Variants in KCNE1 observed in about 807,000 individuals in gnomAD.
The protein encoded by KCNE1 is potassium voltage-gated channel subfamily E regulatory subunit 1.
A neutral mutation model predicts 2.9 loss-of-function variants in KCNE1; 1 was observed. That is an observed-to-expected ratio of 0.34 (90% CI 0.12 to 1.62). KCNE1 has a LOEUF of 1.62. Among genes scored for constraint, KCNE1 ranks in the 40% most tolerant of loss-of-function variants. The pLI is 0.36. For synonymous variants in KCNE1, 23 were observed against 65.4 expected, an observed-to-expected ratio of 0.35 and a Z score of 3.13; for missense variants, 45 against 150.5, an observed-to-expected ratio of 0.30 and a Z score of 3.67.
intron 2 of KCNE1, among the ~76,000 whole-genome samples, chr21:34,503,738 C>G (rs1303880187): frequency 2.6e-5 from 4 of 152,244 alleles, no homozygotes; most frequent in Non-Finnish European, 5.9e-5. Flanking sequence ...TAGCTGCCAT[C>G]AGCCATGGGT....
intron 3 of KCNE1, among the ~76,000 whole-genome samples, chr21:34,450,156 C>G (rs970090110): frequency 1.3e-5 from 1 of 77,906 alleles, no homozygotes; most frequent in Admixed American, 1.2e-4. Context: ...CCTTCTCCCC[C>G]AGAGATGGAC....
chr21:34,511,502 C>T (rs762142206), intron 1 of KCNE1, among the ~76,000 whole-genome samples, 187 bp from the exon 2 acceptor site: 5 of 146,032 alleles, frequency 3.4e-5, no homozygotes, highest in Non-Finnish European at 7.6e-5. Context: ...ATACCTTCCA[C>T]CATGTCATGG....
At chr21:34,502,977 T>C (rs1481290991) in intron 2 of KCNE1, among the ~76,000 whole-genome samples, 1 of 152,174 alleles carries the variant, frequency 6.6e-6, no homozygotes, top group African/African-American at 2.4e-5. Context: ...AGATGGGGAT[T>C]TTTCCCACAC....
At chr21:34,504,741 T>C (rs56088739) in intron 2 of KCNE1, among the ~76,000 whole-genome samples, 2,229 of 152,336 alleles carry the variant, frequency 0.015, 63 homozygotes, top group African/African-American at 0.05. Flanking sequence ...GTACTTATAC[T>C]TGATATACCA....
intron 2 of KCNE1, among the ~76,000 whole-genome samples, chr21:34,501,157 A>G (rs1359941474): frequency 6.6e-6 from 1 of 152,224 alleles, no homozygotes; most frequent in Non-Finnish European, 1.5e-5. Context: ...AATCAGCATA[A>G]AAGAGCTGAC....
chr21:34,497,779 T>C (rs1024290510), intron 2 of KCNE1, among the ~76,000 whole-genome samples: 1 of 152,244 alleles, frequency 6.6e-6, no homozygotes, highest in African/African-American at 2.4e-5. Flanking sequence ...TTCCACACTT[T>C]TAGATTTCTC....
intron 2 of KCNE1, among the ~76,000 whole-genome samples, chr21:34,499,873 A>C (rs1983060372): frequency 6.6e-6 from 1 of 152,136 alleles, no homozygotes; most frequent in African/African-American, 2.4e-5. Context: ...CTTAGAACAA[A>C]AGTTCATGCT....
chr21:34,508,644 G>T (rs114315790), intron 2 of KCNE1, among the ~76,000 whole-genome samples: 2,863 of 152,226 alleles, frequency 0.019, 93 homozygotes, highest in African/African-American at 0.066. Flanking sequence ...CGCCCAGACT[G>T]GGGTTTTTTA....
intron 2 of KCNE1, among the ~76,000 whole-genome samples, chr21:34,495,682 C>T (rs1982763648): frequency 1.3e-5 from 2 of 150,614 alleles, no homozygotes; most frequent in South Asian, 2.1e-4. Context: ...TTCATAGTAG[C>T]CTTGCATGAT....
chr21:34,497,097 G>C (rs1982857323), intron 2 of KCNE1, among the ~76,000 whole-genome samples: 1 of 152,156 alleles, frequency 6.6e-6, no homozygotes, highest in Non-Finnish European at 1.5e-5. Context: ...ATACTTGGTT[G>C]ATGGATTTTT....
intron 2 of KCNE1, among the ~76,000 whole-genome samples, chr21:34,507,974 T>C (rs868632588): frequency 6.6e-6 from 1 of 152,198 alleles, no homozygotes; most frequent in Non-Finnish European, 1.5e-5. Context: ...AGAACATTTA[T>C]GAGGTGATTG....
intron 1 of KCNE1, 61 bp from the exon 2 acceptor site, chr21:34,511,376 G>A: frequency 3.6e-6 from 3 of 828,920 alleles, no homozygotes; most frequent in Non-Finnish European, 4.4e-6. Flanking sequence ...TTGGGAGGTG[G>A]GACCTAATGG....
chr21:34,508,891 C>T (rs1032814163), intron 2 of KCNE1, among the ~76,000 whole-genome samples: 1 of 152,162 alleles, frequency 6.6e-6, no homozygotes, highest in African/African-American at 2.4e-5. Context: ...ACTAATGGTA[C>T]AAAATTAGCT....
chr21:34,501,229 A>G (rs1983150474), intron 2 of KCNE1, among the ~76,000 whole-genome samples: 1 of 152,234 alleles, frequency 6.6e-6, no homozygotes, highest in Admixed American at 6.5e-5. Context: ...TACATTTTAC[A>G]GCAGAGAGTA....
At chr21:34,501,304 A>G (rs1252995110) in intron 2 of KCNE1, among the ~76,000 whole-genome samples, 1 of 152,200 alleles carries the variant, frequency 6.6e-6, no homozygotes, top group Non-Finnish European at 1.5e-5. Flanking sequence ...TGATAGAAAA[A>G]GGGTCTCCAC....
intron 2 of KCNE1, among the ~76,000 whole-genome samples, chr21:34,509,232 CT>C (rs920867731): frequency 3.9e-5 from 6 of 152,188 alleles, no homozygotes; most frequent in Non-Finnish European, 8.8e-5. Flanking sequence ...AATCCATTTC[CT>C]TGTGGTTGGA....
intron 2 of KCNE1, among the ~76,000 whole-genome samples, chr21:34,497,856 G>A (rs937782070): frequency 1.3e-5 from 2 of 151,998 alleles, no homozygotes; most frequent in Non-Finnish European, 2.9e-5. Context: ...TTTCTTGGGG[G>A]CTTTGTTCAT....
chr21:34,507,769 G>A (rs1402624240), intron 2 of KCNE1, among the ~76,000 whole-genome samples: 1 of 152,114 alleles, frequency 6.6e-6, no homozygotes, highest in Non-Finnish European at 1.5e-5. Context: ...TAGCAACCGT[G>A]GCATGCTTCT....
intron 2 of KCNE1, among the ~76,000 whole-genome samples, chr21:34,501,261 T>C (rs1008092226): frequency 1.3e-5 from 2 of 152,190 alleles, no homozygotes; most frequent in South Asian, 2.1e-4. Context: ...GTCAAGGTTA[T>C]CCACTATAGT....
Sources: allele counts gnomAD v4.1 joint callset (sites outside exome capture counted in the v4.1 genomes callset), GRCh38; gene constraint gnomAD v4.1.1; transcripts MANE v1.5; gene names NCBI Gene and HGNC (gene_info 2026-07-23, HGNC 2026-07-21).